Variants in ZNF831 observed in about 807,000 individuals in gnomAD.
ZNF831 encodes chromosome 20 open reading frame 174.
Under a neutral mutation model 95.8 loss-of-function variants are expected in ZNF831, and 59 were observed. The observed-to-expected ratio is 0.62, with a 90% confidence interval of 0.50 to 0.77. ZNF831 has a LOEUF of 0.77. Ranked by LOEUF, ZNF831 falls within the 30% of genes least tolerant of loss-of-function variation. ZNF831 has a pLI of 0.00. For synonymous variants in ZNF831, 961 were observed against 925.5 expected (o/e 1.04, Z -0.70); for missense variants, 2,205 against 2,164.0 (o/e 1.02, Z -0.38).
At chr20:59,242,167 A>AT (rs1255768869) in intron 4 of ZNF831, among the ~76,000 whole-genome samples, 2 of 152,114 alleles carry the variant, frequency 1.3e-5, no homozygotes, top group Non-Finnish European at 2.9e-5. Flanking sequence ...ACAAGAGCCC[A>AT]TTTTTCCCCC....
intron 2 of ZNF831, among the ~76,000 whole-genome samples, chr20:59,157,007 T>C (rs1980579379): frequency 6.6e-6 from 1 of 152,224 alleles, no homozygotes; most frequent in African/African-American, 2.4e-5. Flanking sequence ...GCATGCAGTG[T>C]TTAATAACCA....
chr20:59,128,353 C>G (rs1436389317), intron 1 of ZNF831, among the ~76,000 whole-genome samples: 2 of 152,224 alleles, frequency 1.3e-5, no homozygotes, highest in Non-Finnish European at 2.9e-5. Flanking sequence ...CCTCTTCCAT[C>G]TGTCTTCCCT....
chr20:59,142,116 C>T (rs1477144433), intron 1 of ZNF831, among the ~76,000 whole-genome samples: 1 of 152,072 alleles, frequency 6.6e-6, no homozygotes, highest in African/African-American at 2.4e-5. Flanking sequence ...CTGTGAGGCT[C>T]CATATGGACT....
At chr20:59,152,110 T>C (rs1980279715) in intron 2 of ZNF831, among the ~76,000 whole-genome samples, 3 of 152,184 alleles carry the variant, frequency 2.0e-5, no homozygotes, top group South Asian at 4.1e-4. Context: ...TGTTGCCTGA[T>C]CAATCATAAT....
intron 3 of ZNF831, among the ~76,000 whole-genome samples, chr20:59,201,702 G>T (rs771724179): frequency 1.3e-5 from 2 of 152,070 alleles, no homozygotes; most frequent in Non-Finnish European, 2.9e-5. Flanking sequence ...TTATCTAGTT[G>T]TTCCAGCATC....
chr20:59,224,908 A>G (rs1397569699), intron 4 of ZNF831, among the ~76,000 whole-genome samples: 1 of 152,200 alleles, frequency 6.6e-6, no homozygotes, highest in Non-Finnish European at 1.5e-5. Flanking sequence ...TATGAAAACA[A>G]TATTTTTAAA....
At chr20:59,234,077 C>T (rs1197346616) in intron 4 of ZNF831, among the ~76,000 whole-genome samples, 1 of 152,176 alleles carries the variant, frequency 6.6e-6, no homozygotes, top group Non-Finnish European at 1.5e-5. Context: ...TGGTGGGCCA[C>T]CTTGGGGTAG....
rs139238490 is a variant in ZNF831, at chr20:59,184,928, G to T, written c.-36-6056G>T. ...TTTGCGCCAAAAGATATAACTGTTT[G>T]TGGGGGGGAATTGGGAGGAGGTGGG... On this transcript the variant is annotated intron_variant, in intron 1 of 5. Coordinates refer to ENST00000371030, the MANE Select transcript of ZNF831 (RefSeq NM_178457.3). 1.6e-4 allele frequency among the ~76,000 whole-genome samples: 25 copies of T among 152,266 alleles called. No individual in the cohort carries two copies. In the East Asian group the frequency reaches 4.5e-3, roughly 27 times the overall value.
chr20:59,154,328 T>A (rs918337944), intron 2 of ZNF831, among the ~76,000 whole-genome samples: 6 of 152,132 alleles, frequency 3.9e-5, no homozygotes, highest in Non-Finnish European at 8.8e-5. Context: ...ACGTAGAAGG[T>A]ACACATAACC....
chr20:59,142,534 G>T (rs1245985944), intron 1 of ZNF831, among the ~76,000 whole-genome samples: 1 of 152,208 alleles, frequency 6.6e-6, no homozygotes, highest in Non-Finnish European at 1.5e-5. Flanking sequence ...TGACGTTAGG[G>T]TGCGCAGAAC....
At chr20:59,215,096 T>C (rs1344603224) in intron 4 of ZNF831, among the ~76,000 whole-genome samples, 1 of 152,260 alleles carries the variant, frequency 6.6e-6, no homozygotes, top group Non-Finnish European at 1.5e-5. Flanking sequence ...TGAGACCTGT[T>C]CTATTTACTC....
At chr20:59,188,635 C>T (rs543749484) in intron 1 of ZNF831, among the ~76,000 whole-genome samples, 3 of 150,908 alleles carry the variant, frequency 2.0e-5, no homozygotes, top group Admixed American at 6.6e-5. Flanking sequence ...CCAGCCTGGG[C>T]GACAGAGTGA....
At chr20:59,229,841 C>T (rs937086679) in intron 4 of ZNF831, among the ~76,000 whole-genome samples, 1 of 152,120 alleles carries the variant, frequency 6.6e-6, no homozygotes, top group Non-Finnish European at 1.5e-5. Flanking sequence ...AAGGGGTATG[C>T]CTTTCAAAAG....
Position 59,254,016 on chromosome 20 carries a change from C to T in ZNF831, c.4307C>T (p.Pro1436Leu), listed in dbSNP as rs779242304. ...CLAVVNDVPL[P>L]PGKGLDLGLL... is the part of the protein sequence containing the mutation. ...GCAGTGGTTAATGACGTGCCTCTAC[C>T]CCCTGGCAAAGGTCTTGACCTTGGG... The change falls in exon 6 of 6, where the codon CCC becomes CTC. Residue 1436 changes from proline (P) to leucine (L), a missense_variant. Coordinates refer to ENST00000371030, the MANE Select transcript of ZNF831 (RefSeq NM_178457.3). This position sits in a 1 kb window ranked among gnomAD's most constrained non-coding sequence, Gnocchi z 4.5. 2.5e-6 allele frequency: 4 copies of T among 1,614,072 alleles called. No homozygotes were observed. Among genetic ancestry groups the T allele is most frequent in the Non-Finnish European group, 3.4e-6 (4 of 1,180,018 alleles).
chr20:59,232,223 C>T (rs983681510), intron 4 of ZNF831, among the ~76,000 whole-genome samples: 2 of 151,896 alleles, frequency 1.3e-5, no homozygotes, highest in Non-Finnish European at 2.9e-5. Flanking sequence ...TTGGAAATAC[C>T]TTCAAAATTC....
rs761457605 is a variant in ZNF831, at chr20:59,191,556, C to T, written c.537C>T (p.Ile179=). ...CCTTCCCGTGTGCCACCTGCGGCAT[C>T]GCCTTTAAGACCCAGAGCAATCTCT... ...ERPFPCATCG[I]AFKTQSNLYK... The change falls in exon 2 of 6, where the codon ATC becomes ATT. Residue 179 remains isoleucine (I), a synonymous_variant. Transcript: ENST00000371030. 3.2e-5 allele frequency: 51 copies of T among 1,612,722 alleles called. No homozygotes were observed. The highest frequency in any genetic ancestry group is 3.7e-5 in the Non-Finnish European group (44 of 1,179,822).
chr20:59,252,633 G>A (rs953189418), intron 4 of ZNF831, among the ~76,000 whole-genome samples: 1 of 152,178 alleles, frequency 6.6e-6, no homozygotes, highest in Non-Finnish European at 1.5e-5. Context: ...TAGTATGTCA[G>A]AGAATTCAAG....
chr20:59,128,991 T>A (rs2146434236), intron 1 of ZNF831, among the ~76,000 whole-genome samples: 1 of 152,252 alleles, frequency 6.6e-6, no homozygotes, highest in East Asian at 2.0e-4. Flanking sequence ...CTCGAACTCC[T>A]GACCTCAGGT....
Position 59,191,655 on chromosome 20 carries a change from C to A in ZNF831, c.636C>A (p.Gly212=), listed in dbSNP as rs2146551216. The change falls in exon 2 of 6, where the codon GGC becomes GGA. Residue 212 remains glycine (G), a synonymous_variant. Coordinates refer to ENST00000371030, the MANE Select transcript of ZNF831 (RefSeq NM_178457.3). ...LSSESEGAGG[G]LLEEGDKAGE... Reference sequence around the variant, plus strand: ...CAGAGTCCGAGGGCGCCGGGGGCGGCCTCCTGGAGGAAGGGGACAAGGCCG... The same window carrying A: ...CAGAGTCCGAGGGCGCCGGGGGCGGACTCCTGGAGGAAGGGGACAAGGCCG... 6.4e-7 allele frequency: 1 copy of A among 1,560,862 alleles called. No individual in the cohort carries two copies. Among genetic ancestry groups the A allele is most frequent in the Non-Finnish European group, 8.7e-7 (1 of 1,153,540 alleles).
Sources: gnomAD v4.1 joint callset for allele counts (sites outside exome capture counted in the v4.1 genomes callset) on GRCh38, gnomAD v4.1.1 for gene constraint, Gnocchi (gnomAD v3.1) non-coding constraint, MANE v1.5 for transcripts, NCBI Gene and HGNC (gene_info 2026-07-23, HGNC 2026-07-21) for gene names.